ABCC4: variants seen among roughly 807,000 people sequenced by gnomAD.
ABCC4 encodes ATP binding cassette subfamily C member 4 (PEL blood group).
A neutral mutation model predicts 168.5 loss-of-function variants in ABCC4; 102 were observed. The ratio of observed to expected loss-of-function variants is 0.61; its 90% CI spans 0.52 to 0.71. The LOEUF is 0.71. ABCC4 is among the 30% of genes least tolerant of loss of function. The pLI, the probability that ABCC4 is intolerant of heterozygous loss-of-function variation, is 0.00. For synonymous variants in ABCC4, 617 were observed against 590.7 expected (o/e 1.04, Z -0.65); for missense variants, 1,402 against 1,605.8 (o/e 0.87, Z 2.17).
At chr13:95,090,261 T>C (rs1164568308) in intron 20 of ABCC4, among the ~76,000 whole-genome samples, 1 of 152,166 alleles carries the variant, frequency 6.6e-6, no homozygotes, top group Non-Finnish European at 1.5e-5. Flanking sequence ...CTCTTCATGC[T>C]ACCACAGCTA....
chr13:95,203,442 G>C (rs1021823324), intron 8 of ABCC4, among the ~76,000 whole-genome samples: 2 of 150,506 alleles, frequency 1.3e-5, no homozygotes, highest in African/African-American at 4.9e-5. Flanking sequence ...GTTCAAGCAA[G>C]CCTGAGCCTC....
chr13:95,065,955 T>G (rs1305599237), intron 25 of ABCC4, among the ~76,000 whole-genome samples: 1 of 152,202 alleles, frequency 6.6e-6, no homozygotes, highest in East Asian at 1.9e-4. Flanking sequence ...CAGATTAAAC[T>G]TCCGAAGTAC....
intron 8 of ABCC4, among the ~76,000 whole-genome samples, chr13:95,202,294 C>T (rs2038648900): frequency 6.6e-6 from 1 of 152,194 alleles, no homozygotes; most frequent in Non-Finnish European, 1.5e-5. Context: ...ACTTACGTCA[C>T]CTCCAAGTTG....
intron 5 of ABCC4, 57 bp downstream of exon 5, chr13:95,210,635 A>T: frequency 7.0e-7 from 1 of 1,422,900 alleles, no homozygotes; most frequent in East Asian, 2.3e-5. Flanking sequence ...AGAAAGAATA[A>T]AAGGGGAAAG....
chr13:95,194,396 A>C (rs2038351670), intron 9 of ABCC4, among the ~76,000 whole-genome samples: 1 of 152,218 alleles, frequency 6.6e-6, no homozygotes, highest in South Asian at 2.1e-4. Flanking sequence ...AATCCAAGTC[A>C]TGGGCTTTCT....
At chr13:95,064,533 G>GT (rs10679527) in intron 25 of ABCC4, among the ~76,000 whole-genome samples, 3 of 149,154 alleles carry the variant, frequency 2.0e-5, no homozygotes, top group African/African-American at 5.0e-5. Flanking sequence ...GTGTGTGTGT[G>GT]GGGCTTATGT....
Position 95,021,650 on chromosome 13 carries a change from A to C in ABCC4, c.3903T>G (p.Gly1301=). The C allele has an allele frequency of 6.2e-7, 1 of 1,612,062 alleles. No homozygotes were observed. Among genetic ancestry groups the C allele is most frequent in the Non-Finnish European group, 8.5e-7 (1 of 1,178,424 alleles). Residue 1301 remains glycine (G), a synonymous_variant, in exon 31 of 31, where the codon GGT becomes GGG. Coordinates refer to ENST00000645237, the MANE Select transcript of ABCC4 (RefSeq NM_005845.5). ...TGTTTGTAACCATGTGGTCAGTGTGACCAATATGTGGATAATTTCTTTTGA... is the reference window on the plus strand; with the variant it reads ...TGTTTGTAACCATGTGGTCAGTGTGCCCAATATGTGGATAATTTCTTTTGA... The part of the protein sequence containing the change: ...VYFKRNYPHI[G]HTDHMVTNTS...
chr13:95,163,087 C>CCT (rs2037150580), intron 18 of ABCC4, 35 bp downstream of exon 18: 1 of 1,463,822 alleles, frequency 6.8e-7, no homozygotes, highest in Admixed American at 1.7e-5. Flanking sequence ...AGCACCTCAG[C>CCT]CTCTCATACA....
chr13:95,113,322 C>T (rs922502178), intron 20 of ABCC4, among the ~76,000 whole-genome samples: 17 of 152,122 alleles, frequency 1.1e-4, no homozygotes, highest in African/African-American at 4.1e-4. Flanking sequence ...CCCCTTCATT[C>T]GGCTCAGCTA....
chr13:95,069,658 A>G (rs1315065121), intron 25 of ABCC4, among the ~76,000 whole-genome samples: 3 of 152,056 alleles, frequency 2.0e-5, no homozygotes, highest in Non-Finnish European at 4.4e-5. Context: ...TTCTGTCTCC[A>G]TGACTAACTA....
At chr13:95,070,908 A>G (rs1317052256) in intron 25 of ABCC4, among the ~76,000 whole-genome samples, 1 of 152,182 alleles carries the variant, frequency 6.6e-6, no homozygotes, top group Non-Finnish European at 1.5e-5. Flanking sequence ...GGGCCTGATA[A>G]TGTTTGGCTG....
intron 3 of ABCC4, among the ~76,000 whole-genome samples, chr13:95,243,665 T>C (rs188835737): frequency 1.7e-4 from 26 of 152,276 alleles, no homozygotes; most frequent in South Asian, 6.2e-4. Flanking sequence ...GGTGGGCCGA[T>C]GGCTTGAGCT....
In ABCC4 at chr13:95,093,062, C is replaced by CA. The variant is rs560383473; in HGVS notation, c.2536-9773dup. 1.0e-3 allele frequency among the ~76,000 whole-genome samples: 158 copies of CA among 151,628 alleles called. 4 individuals carry two copies. The South Asian group carries it at 0.031, about 30-fold the overall frequency. On this transcript the variant is annotated intron_variant, in intron 20 of 30. Coordinates refer to ENST00000645237, the MANE Select transcript of ABCC4 (RefSeq NM_005845.5). ...GAAATGGTAATTTAAAAATTACCAA[C>CA]AAAAAAAAGTCCAAGACCAGACAGA...
chr13:95,022,883 A>G (rs2031173403), intron 30 of ABCC4, among the ~76,000 whole-genome samples: 1 of 152,244 alleles, frequency 6.6e-6, no homozygotes, highest in South Asian at 2.1e-4. Flanking sequence ...ATCATTACAT[A>G]TAACACACAA....
intron 3 of ABCC4, among the ~76,000 whole-genome samples, chr13:95,240,333 A>G (rs1297562328): frequency 1.3e-5 from 2 of 152,186 alleles, no homozygotes; most frequent in Non-Finnish European, 2.9e-5. Flanking sequence ...GGAGTTCGAG[A>G]CCAGCCTGGC....
intron 10 of ABCC4, 22 bp downstream of exon 10, chr13:95,188,431 G>GC: frequency 6.2e-7 from 1 of 1,611,792 alleles, no homozygotes. Flanking sequence ...GCAACAAGCT[G>GC]CCAAAAGCCA....
intron 19 of ABCC4, among the ~76,000 whole-genome samples, chr13:95,149,187 G>T (rs2036595611): frequency 6.6e-6 from 1 of 152,126 alleles, no homozygotes; most frequent in East Asian, 1.9e-4. Flanking sequence ...TAATCTTAAA[G>T]TGAAAGAAGA....
At chr13:95,263,596 G>A (rs941478928) in intron 1 of ABCC4, among the ~76,000 whole-genome samples, 1 of 152,180 alleles carries the variant, frequency 6.6e-6, no homozygotes, top group South Asian at 2.1e-4. Context: ...GCCAAGGTGG[G>A]TGAATCACCT....
intron 21 of ABCC4, among the ~76,000 whole-genome samples, chr13:95,082,737 C>T (rs1045277202): frequency 5.9e-5 from 9 of 152,110 alleles, no homozygotes; most frequent in Non-Finnish European, 1.3e-4. Context: ...GGGAAAGATA[C>T]TAAAATACCC....
Sources: allele counts gnomAD v4.1 joint callset (sites outside exome capture counted in the v4.1 genomes callset), GRCh38; gene constraint gnomAD v4.1.1; transcripts MANE v1.5; gene names NCBI Gene and HGNC (gene_info 2026-07-23, HGNC 2026-07-21).